SV2B: variants seen among roughly 807,000 people sequenced by gnomAD.
The protein encoded by SV2B is solute carrier family 22 member B2.
A neutral mutation model predicts 73.9 loss-of-function variants in SV2B; 41 were observed. That is an observed-to-expected ratio of 0.56 (90% CI 0.43 to 0.72). The LOEUF (loss-of-function observed/expected upper bound fraction) is 0.72. Among genes scored for constraint, SV2B ranks in the 30% least tolerant of loss-of-function variants. The pLI is 0.00. For missense variants in SV2B, 764 were observed against 857.8 expected (o/e 0.89, Z 1.37); for synonymous variants, 314 against 314.2 (o/e 1.00, Z 0.01).
rs977795997 is a variant in SV2B at position 91,284,582 on chromosome 15, G to A, written c.1708+361G>A. ...ATAAAATGCTCCTGGGTGATGGTTT[G>A]ATGTTTGAAGATAAATTGTGTTACT... is the stretch of plus-strand genomic sequence containing the variant. On this transcript the variant is annotated intron_variant, in intron 11 of 12. Transcript: ENST00000394232. The surrounding 1 kb of genome is among the most constrained non-coding windows in gnomAD (Gnocchi z 4.5). Among the ~76,000 whole-genome samples, 4 of 152,216 alleles carry A rather than the reference G, an allele frequency of 2.6e-5. No individual in the cohort carries two copies. The highest frequency in any genetic ancestry group is 4.4e-5 in the Non-Finnish European group (3 of 68,030).
In SV2B at chr15:91,106,252, A is replaced by C. The variant is rs924502607; in HGVS notation, c.-392+5889A>C. 6.6e-6 allele frequency among the ~76,000 whole-genome samples: 1 copy of C among 152,220 alleles called. No individual in the cohort carries two copies. The highest frequency in any genetic ancestry group is 1.5e-5 in the Non-Finnish European group (1 of 68,040). ...ATTGGATATCCAATGGGAGATGTTA[A>C]GTAGTTCATTGCATATGAGAGTCTA... is the stretch of plus-strand genomic sequence containing the variant. On this transcript the variant is annotated intron_variant, in intron 1 of 12. Coordinates refer to ENST00000394232, the MANE Select transcript of SV2B (RefSeq NM_001323032.3). This position sits in a 1 kb window ranked among gnomAD's most constrained non-coding sequence, Gnocchi z 4.4.
At chr15:91,194,005 T>TTTGA (rs1017321835) in intron 1 of SV2B, among the ~76,000 whole-genome samples, 1 of 150,916 alleles carries the variant, frequency 6.6e-6, no homozygotes, top group Admixed American at 6.6e-5. Context: ...GTTTTTTTTG[T>TTTGA]TTGTTTGTTT....
chr15:91,191,915 T>C (rs113202538), intron 1 of SV2B, among the ~76,000 whole-genome samples: 1,671 of 152,312 alleles, frequency 0.011, 36 homozygotes, highest in African/African-American at 0.038. Context: ...TTTCTCTGTC[T>C]TCCTATTTTC....
chr15:91,131,247 C>A (rs73503184), intron 1 of SV2B, among the ~76,000 whole-genome samples: 2,948 of 149,778 alleles, frequency 0.02, 94 homozygotes, highest in African/African-American at 0.064. Context: ...GCCCTGGCCT[C>A]CCAAAGTGTT....
At chr15:91,186,505 T>C (rs1428069427) in intron 1 of SV2B, among the ~76,000 whole-genome samples, 2 of 152,224 alleles carry the variant, frequency 1.3e-5, no homozygotes, top group Non-Finnish European at 2.9e-5. Flanking sequence ...GTTTTCTAAT[T>C]TTTAAGAGGA....
chr15:91,211,801 CTTTT>C lies in SV2B; in HGVS notation c.-391-14053_-391-14050del, dbSNP rs775815258. Among the ~76,000 whole-genome samples, 269 of 105,982 alleles carry C rather than the reference CTTTT, an allele frequency of 2.5e-3. 2 individuals carry two copies. Among genetic ancestry groups the C allele is most frequent in the African/African-American group, 0.01 (259 of 25,028 alleles). The allele number at this position is 105,982 out of a possible 152,430, so 69.5% of individuals were successfully genotyped here. A position where few individuals can be genotyped will look rare whatever the true frequency, so the allele number is the denominator to read the frequency against. The stretch of plus-strand genomic sequence containing the variant: ...ACAGGCATGAGCCACCTCGCCTGGG[CTTTT>C]TTTTTTTTTTTTTTTTTTGAGTTGG... On this transcript the variant is annotated intron_variant, in intron 1 of 12. Coordinates refer to ENST00000394232, the MANE Select transcript of SV2B (RefSeq NM_001323032.3).
At chr15:91,282,900 C>A (rs1236198898) in intron 10 of SV2B, among the ~76,000 whole-genome samples, 1 of 152,108 alleles carries the variant, frequency 6.6e-6, no homozygotes, top group Non-Finnish European at 1.5e-5. Context: ...TAATGAGTTC[C>A]GGAAGTTTAA....
intron 1 of SV2B, among the ~76,000 whole-genome samples, chr15:91,187,602 G>T (rs2044824234): frequency 6.6e-6 from 1 of 151,728 alleles, no homozygotes; most frequent in East Asian, 1.9e-4. Context: ...TCTGTCAAGT[G>T]CTACTTGATG....
intron 1 of SV2B, among the ~76,000 whole-genome samples, chr15:91,202,035 C>G (rs1266259843): frequency 6.6e-6 from 1 of 152,188 alleles, no homozygotes; most frequent in Non-Finnish European, 1.5e-5. Context: ...TCAACGTAGT[C>G]TTTCTTCAAA....
intron 9 of SV2B, among the ~76,000 whole-genome samples, chr15:91,272,843 T>A (rs1444661887): frequency 3.4e-5 from 5 of 146,756 alleles, no homozygotes; most frequent in Non-Finnish European, 6.0e-5. Context: ...TTTTTTTTTT[T>A]TTTTTTTTTG....
At chr15:91,180,095 C>G (rs1037648899) in intron 1 of SV2B, among the ~76,000 whole-genome samples, 20 of 151,816 alleles carry the variant, frequency 1.3e-4, no homozygotes, top group Non-Finnish European at 2.6e-4. Flanking sequence ...CTGGTGGTGA[C>G]AAAATCTCTC....
rs2046165500 is a variant in SV2B, at chr15:91,220,064, C to T, written c.-391-5809C>T. On this transcript the variant is annotated intron_variant, in intron 1 of 12. Coordinates refer to ENST00000394232, the MANE Select transcript of SV2B (RefSeq NM_001323032.3). This position sits in a 1 kb window ranked among gnomAD's most constrained non-coding sequence, Gnocchi z 4.1. Reference sequence around the variant, plus strand: ...CCAGTTTGGGGCAATTATAATGTTGCTATTAACATTTGTGTCCAAGTCTTT... The same window carrying T: ...CCAGTTTGGGGCAATTATAATGTTGTTATTAACATTTGTGTCCAAGTCTTT... Among the ~76,000 whole-genome samples, 1 of 152,152 alleles carries T rather than the reference C, an allele frequency of 6.6e-6. No homozygotes were observed. The highest frequency in any genetic ancestry group is 6.5e-5 in the Admixed American group (1 of 15,268).
At chr15:91,116,843 A>T (rs1454874216) in intron 1 of SV2B, among the ~76,000 whole-genome samples, 2 of 152,236 alleles carry the variant, frequency 1.3e-5, no homozygotes, top group Non-Finnish European at 1.5e-5. Context: ...AAGGCAAAGG[A>T]AGGGCAAAGG....
At chr15:91,282,804 C>T (rs1174563236) in intron 10 of SV2B, among the ~76,000 whole-genome samples, 2 of 152,170 alleles carry the variant, frequency 1.3e-5, no homozygotes, top group East Asian at 1.9e-4. Flanking sequence ...GCTTCAAGAT[C>T]TGGTCTCTAA....
intron 1 of SV2B, among the ~76,000 whole-genome samples, chr15:91,198,704 A>G (rs2045348995): frequency 6.6e-6 from 1 of 152,258 alleles, no homozygotes; most frequent in Non-Finnish European, 1.5e-5. Context: ...ACCCTAGACG[A>G]TACGGAGAAA....
At chr15:91,166,964 C>T (rs1034979817) in intron 1 of SV2B, among the ~76,000 whole-genome samples, 7 of 152,016 alleles carry the variant, frequency 4.6e-5, no homozygotes, top group African/African-American at 1.7e-4. Context: ...CAGGTGCCTG[C>T]CACCATGCCC....
At chr15:91,279,394 G>A (rs1406207973) in intron 9 of SV2B, among the ~76,000 whole-genome samples, 1 of 152,242 alleles carries the variant, frequency 6.6e-6, no homozygotes, top group African/African-American at 2.4e-5. Flanking sequence ...ATGGACCTTG[G>A]ATTGCCAATG....
At chr15:91,270,966 G>T (rs2048288337) in intron 9 of SV2B, among the ~76,000 whole-genome samples, 1 of 150,976 alleles carries the variant, frequency 6.6e-6, no homozygotes, top group Non-Finnish European at 1.5e-5. Flanking sequence ...GGTGAGTCCT[G>T]TGGATGATGG....
intron 1 of SV2B, among the ~76,000 whole-genome samples, chr15:91,107,070 G>A (rs1385691303): frequency 6.6e-6 from 1 of 152,150 alleles, no homozygotes; most frequent in East Asian, 1.9e-4. Context: ...GCTGTTGAAA[G>A]TGGTTGTGTG....
Sources: gnomAD v4.1 joint callset for allele counts (sites outside exome capture counted in the v4.1 genomes callset) on GRCh38, gnomAD v4.1.1 for gene constraint, Gnocchi (gnomAD v3.1) non-coding constraint, MANE v1.5 for transcripts, NCBI Gene and HGNC (gene_info 2026-07-23, HGNC 2026-07-21) for gene names.